The following TTC4 variants were observed in gnomAD, a reference collection of about 807,000 sequenced individuals.
TTC4 encodes the protein hsp70/Hsp90 co-chaperone CNS1 homolog.
A neutral mutation model predicts 51.9 loss-of-function variants in TTC4; 36 were observed. That is an observed-to-expected ratio of 0.69 (90% CI 0.53 to 0.92). The LOEUF (loss-of-function observed/expected upper bound fraction) is 0.92, where lower values mean the gene tolerates loss of function less well. Among genes scored for constraint, TTC4 ranks in the 40% least tolerant of loss-of-function variants. The pLI is 0.00. For synonymous variants in TTC4, 144 were observed against 164.2 expected, an observed-to-expected ratio of 0.88 and a Z score of 0.94; for missense variants, 399 against 454.6, an observed-to-expected ratio of 0.88 and a Z score of 1.11.
At chr1:54,726,583 TTTAA>T (rs1391298638) in intron 5 of TTC4, among the ~76,000 whole-genome samples, 5 of 152,172 alleles carry the variant, frequency 3.3e-5, no homozygotes, top group Non-Finnish European at 5.9e-5. Flanking sequence ...ACAATTCCAT[TTTAA>T]ATAGCATCAA....
At chr1:54,722,618 A>T in intron 4 of TTC4, 57 bp from the exon 5 acceptor site, 1 of 1,599,230 alleles carries the variant, frequency 6.3e-7, no homozygotes, top group Non-Finnish European at 8.5e-7. Context: ...ATCTTGCCCA[A>T]AGCAGGTTCT....
intron 5 of TTC4, among the ~76,000 whole-genome samples, chr1:54,726,176 A>G (rs1384101700): frequency 6.6e-6 from 1 of 152,204 alleles, no homozygotes; most frequent in Non-Finnish European, 1.5e-5. Flanking sequence ...TTATAATTAA[A>G]CTGTTGAAAA....
intron 7 of TTC4, among the ~76,000 whole-genome samples, chr1:54,732,557 C>T (rs991179875): frequency 6.6e-5 from 10 of 151,152 alleles, no homozygotes; most frequent in African/African-American, 2.4e-5. Context: ...CCCCCAGGCT[C>T]AGGTGATCCT....
intron 7 of TTC4, among the ~76,000 whole-genome samples, chr1:54,732,058 G>T (rs955534063): frequency 2.0e-5 from 3 of 152,048 alleles, no homozygotes; most frequent in Non-Finnish European, 4.4e-5. Flanking sequence ...GAGGCTGGGC[G>T]CTGTGGCTTA....
At chr1:54,736,400 A>G (rs13375012) in intron 8 of TTC4, among the ~76,000 whole-genome samples, 17,934 of 151,812 alleles carry the variant, frequency 0.12, 1,768 homozygotes, top group African/African-American at 0.26. Context: ...GACAGAGTCT[A>G]GCTGTGTTGC....
chr1:54,723,268 G>T (rs10888871), intron 5 of TTC4, among the ~76,000 whole-genome samples: 14,055 of 152,136 alleles, frequency 0.092, 920 homozygotes, highest in South Asian at 0.19. Flanking sequence ...CTCAGTTTGT[G>T]TAAGTACATT....
At chr1:54,726,923 A>AT (rs1645806291) in intron 5 of TTC4, among the ~76,000 whole-genome samples, 1 of 152,134 alleles carries the variant, frequency 6.6e-6, no homozygotes, top group African/African-American at 2.4e-5. Context: ...TAGGCATGTG[A>AT]TGCCACATCT....
intron 2 of TTC4, among the ~76,000 whole-genome samples, chr1:54,717,030 T>C (rs560237048): frequency 6.6e-6 from 1 of 152,172 alleles, no homozygotes; most frequent in African/African-American, 2.4e-5. Context: ...TGGAACACTT[T>C]AAGGAGCAGG....
At chr1:54,718,090 A>G (rs2101291755) in intron 3 of TTC4, among the ~76,000 whole-genome samples, 1 of 152,312 alleles carries the variant, frequency 6.6e-6, no homozygotes, top group African/African-American at 2.4e-5. Flanking sequence ...TGAGTTAAAA[A>G]TATTTTTTGG....
intron 7 of TTC4, 49 bp downstream of exon 7, chr1:54,731,749 G>C (rs1266873440): frequency 6.4e-7 from 1 of 1,573,888 alleles, no homozygotes; most frequent in Admixed American, 1.8e-5. Flanking sequence ...TGCTGTCTCT[G>C]TTTTTGTGGC....
intron 5 of TTC4, among the ~76,000 whole-genome samples, chr1:54,727,656 A>C (rs1377020324): frequency 1.3e-5 from 2 of 150,194 alleles, no homozygotes; most frequent in African/African-American, 4.9e-5. Flanking sequence ...ATTCGAGACC[A>C]ACCTGGGCAA....
chr1:54,738,068 CTT>C (rs201640203), intron 9 of TTC4, among the ~76,000 whole-genome samples: 1,954 of 151,994 alleles, frequency 0.013, 44 homozygotes, highest in African/African-American at 0.045. Context: ...GCCCGGCTAA[CTT>C]TTGTATTTTT....
At chr1:54,728,599 C>T (rs1458567943) in intron 6 of TTC4, among the ~76,000 whole-genome samples, 167 bp downstream of exon 6, 2 of 152,124 alleles carry the variant, frequency 1.3e-5, no homozygotes, top group Non-Finnish European at 2.9e-5. Flanking sequence ...GTCAGGCCAC[C>T]CCAGTTCAGT....
chr1:54,731,417 A>T, intron 6 of TTC4, 69 bp from the exon 7 acceptor site: 1 of 1,449,172 alleles, frequency 6.9e-7, no homozygotes, highest in Non-Finnish European at 9.4e-7. Context: ...TTATTTCAGT[A>T]AAATGGGTTT....
At position 54,739,847 on chromosome 1, in the gene TTC4, G is replaced by A. The variant is rs535904696; in HGVS notation, c.1062-1564G>A. Among the ~76,000 whole-genome samples, 13 of 152,318 alleles carry A rather than the reference G, an allele frequency of 8.5e-5. No individual in the cohort carries two copies. The South Asian group carries it at 2.5e-3, about 29-fold the overall frequency. On this transcript the variant is annotated intron_variant, in intron 9 of 9. Coordinates refer to ENST00000371281, the MANE Select transcript of TTC4 (RefSeq NM_004623.5). ...GAGCGTAAACTTTATCCTGATTGTG[G>A]TGTACACCAGGGTTGATTTTTAAAA... is the stretch of plus-strand genomic sequence containing the variant.
intron 5 of TTC4, among the ~76,000 whole-genome samples, chr1:54,727,688 CA>C (rs200521894): frequency 0.039 from 1,706 of 43,518 alleles, 7 homozygotes; most frequent in African/African-American, 0.062. Context: ...CTCATCTCTA[CA>C]AAAAAAAAAA....
intron 7 of TTC4, among the ~76,000 whole-genome samples, chr1:54,733,410 C>T (rs964599490): frequency 6.8e-6 from 1 of 147,016 alleles, no homozygotes; most frequent in Non-Finnish European, 1.5e-5. Flanking sequence ...CAGAGCGAGA[C>T]CCTGTCTCAA....
At chr1:54,736,929 G>C (rs954323307) in intron 8 of TTC4, 4 of 152,162 alleles carry the variant, frequency 2.6e-5, no homozygotes, top group African/African-American at 9.7e-5. Flanking sequence ...TGCCATGAGT[G>C]GTCACCCTCC....
chr1:54,732,012 C>A (rs1645871867), intron 7 of TTC4, among the ~76,000 whole-genome samples: 1 of 151,882 alleles, frequency 6.6e-6, no homozygotes, highest in Non-Finnish European at 1.5e-5. Flanking sequence ...ACATGCATAG[C>A]AATTTAAGTG....
Sources: gnomAD v4.1 joint callset for allele counts (sites outside exome capture counted in the v4.1 genomes callset) on GRCh38, gnomAD v4.1.1 for gene constraint, MANE v1.5 for transcripts, NCBI Gene and HGNC (gene_info 2026-07-23, HGNC 2026-07-21) for gene names.